The following PAK5 variants were observed in gnomAD, a reference collection of about 807,000 sequenced individuals.
PAK5 encodes the protein p21 (RAC1) activated kinase 5, also known as serine/threonine-protein kinase PAK 5.
A neutral mutation model predicts 65.9 loss-of-function variants in PAK5; 16 were observed. The ratio of observed to expected loss-of-function variants is 0.24; its 90% CI spans 0.16 to 0.37. The LOEUF (loss-of-function observed/expected upper bound fraction) is 0.37, where lower values mean the gene tolerates loss of function less well. PAK5 is among the 10% of genes least tolerant of loss of function. PAK5 has a pLI of 1.00. For missense variants in PAK5, 785 were observed against 903.9 expected (o/e 0.87, Z 1.69); for synonymous variants, 371 against 354.9 (o/e 1.05, Z -0.51).
At chr20:9,747,907 C>A (rs1794080349) in intron 1 of PAK5, among the ~76,000 whole-genome samples, 1 of 151,802 alleles carries the variant, frequency 6.6e-6, no homozygotes, top group South Asian at 2.1e-4. Context: ...TCCCTGTTTG[C>A]AGATGACATG....
intron 1 of PAK5, among the ~76,000 whole-genome samples, chr20:9,762,798 AAG>A (rs1329030198): frequency 6.6e-5 from 10 of 152,180 alleles, no homozygotes; most frequent in African/African-American, 1.9e-4. Flanking sequence ...CAGGATGTTG[AAG>A]AGACACTTGT....
chr20:9,701,871 G>A (rs973606613), intron 2 of PAK5, among the ~76,000 whole-genome samples: 2 of 151,878 alleles, frequency 1.3e-5, no homozygotes, highest in Admixed American at 6.6e-5. Context: ...GTGGTGGCCT[G>A]CACCTGTAGT....
chr20:9,606,797 G>A (rs1029486225), intron 3 of PAK5, among the ~76,000 whole-genome samples: 1 of 152,060 alleles, frequency 6.6e-6, no homozygotes, highest in Admixed American at 6.6e-5. Context: ...TTCATAACTT[G>A]TGCACTTAAA....
intron 1 of PAK5, among the ~76,000 whole-genome samples, chr20:9,730,408 A>C (rs2123551859): frequency 6.6e-6 from 1 of 152,284 alleles, no homozygotes; most frequent in African/African-American, 2.4e-5. Context: ...TTTTCAGATA[A>C]ATTTTTAAAA....
chr20:9,750,224 T>C (rs536500564), intron 1 of PAK5, among the ~76,000 whole-genome samples: 2 of 152,222 alleles, frequency 1.3e-5, no homozygotes, highest in African/African-American at 4.8e-5. Context: ...ACAAGCAGTA[T>C]GATCAGACTC....
chr20:9,590,462 G>T lies in PAK5; in HGVS notation c.205-9532C>A, dbSNP rs142276990. Among the ~76,000 whole-genome samples the T allele has an allele frequency of 6.6e-3, 1,010 of 152,142 alleles. 3 individuals are homozygous for T. Among genetic ancestry groups the T allele is most frequent in the Middle Eastern group, 0.014 (4 of 294 alleles). On this transcript the variant is annotated intron_variant, in intron 3 of 9. Coordinates refer to ENST00000353224, the MANE Select transcript of PAK5 (RefSeq NM_177990.4). The stretch of plus-strand genomic sequence containing the variant: ...TATGGCTGGATTTGTGCACCACAAT[G>T]GTAGGGTTGAGTTGCAAGAGAGACT...
intron 3 of PAK5, among the ~76,000 whole-genome samples, chr20:9,624,883 C>T (rs536279077): frequency 1.7e-4 from 26 of 152,248 alleles, no homozygotes; most frequent in Admixed American, 3.3e-4. Context: ...AAAGTGAGTT[C>T]GCATCTCACA....
At chr20:9,644,699 G>A (rs1212528962) in intron 2 of PAK5, among the ~76,000 whole-genome samples, 1 of 152,150 alleles carries the variant, frequency 6.6e-6, no homozygotes, top group Admixed American at 6.5e-5. Context: ...TTGTCACAAA[G>A]ATCTCTCTCT....
chr20:9,763,145 G>T (rs2048718997), intron 1 of PAK5, among the ~76,000 whole-genome samples: 4 of 151,970 alleles, frequency 2.6e-5, no homozygotes. Flanking sequence ...TGGTTAGAGG[G>T]TTCAAAGTTT....
chr20:9,639,542 A>G (rs534627177), intron 3 of PAK5, among the ~76,000 whole-genome samples: 144 of 152,288 alleles, frequency 9.5e-4, no homozygotes, highest in Non-Finnish European at 1.8e-3. Flanking sequence ...TTTTTCCCTC[A>G]GCGGCACAAT....
intron 1 of PAK5, among the ~76,000 whole-genome samples, chr20:9,734,334 G>C (rs2206486): frequency 0.67 from 101,459 of 151,884 alleles, 34,193 homozygotes; most frequent in South Asian, 0.84. Flanking sequence ...GGCCTCCATG[G>C]AAGAGTAAAA....
At chr20:9,799,398 A>G in intron 1 of PAK5, among the ~76,000 whole-genome samples, 1 of 152,142 alleles carries the variant, frequency 6.6e-6, no homozygotes, top group East Asian at 1.9e-4. Flanking sequence ...GTACATGAAA[A>G]GGATAGAGCT....
chr20:9,810,602 T>G (rs1460574948), intron 1 of PAK5, among the ~76,000 whole-genome samples: 1 of 152,146 alleles, frequency 6.6e-6, no homozygotes, highest in Non-Finnish European at 1.5e-5. Context: ...TAGGCTTAAT[T>G]TAGACACAAC....
chr20:9,682,970 A>G (rs1215728818), intron 2 of PAK5, among the ~76,000 whole-genome samples: 1 of 152,230 alleles, frequency 6.6e-6, no homozygotes, highest in Non-Finnish European at 1.5e-5. Flanking sequence ...CATTCCAGAC[A>G]TTAGGGTGCT....
intron 1 of PAK5, chr20:9,784,514 T>C (rs980023504): frequency 1.3e-5 from 2 of 152,142 alleles, no homozygotes; most frequent in Non-Finnish European, 1.5e-5. Context: ...AACCTGAAGA[T>C]AAAAGCAGAG....
At chr20:9,678,524 A>G (rs2423414) in intron 2 of PAK5, among the ~76,000 whole-genome samples, 64,419 of 151,998 alleles carry the variant, frequency 0.42, 14,106 homozygotes, top group East Asian at 0.72. Flanking sequence ...CTGAGATTGC[A>G]CCACTGCACT....
chr20:9,706,813 A>AT (rs1272461957), intron 2 of PAK5, among the ~76,000 whole-genome samples: 1 of 151,656 alleles, frequency 6.6e-6, no homozygotes, highest in Non-Finnish European at 1.5e-5. Context: ...CAACCTACAA[A>AT]TTTTTTTCTA....
intron 2 of PAK5, among the ~76,000 whole-genome samples, chr20:9,688,533 C>T (rs1034548273): frequency 2.0e-5 from 3 of 152,098 alleles, no homozygotes; most frequent in South Asian, 4.1e-4. Context: ...CTTGGGGCTT[C>T]TTTCCTGCTG....
Position 9,708,617 on chromosome 20 carries a change from C to T in PAK5, c.-12+2669G>A, listed in dbSNP as rs117844650. On this transcript the variant is annotated intron_variant, in intron 2 of 9. Transcript: ENST00000353224. Reference sequence around the variant, plus strand: ...CTCATTGGCAGTTATCATCATTGTGCAAGTTGACCTGATGGTGGCTTTCAA... The same window carrying T: ...CTCATTGGCAGTTATCATCATTGTGTAAGTTGACCTGATGGTGGCTTTCAA... 3.0e-4 allele frequency among the ~76,000 whole-genome samples: 46 copies of T among 152,136 alleles called. 1 individual carries two copies. The East Asian group carries it at 7.7e-3, about 26-fold the overall frequency.
Sources: gnomAD v4.1 joint callset for allele counts (sites outside exome capture counted in the v4.1 genomes callset) on GRCh38, gnomAD v4.1.1 for gene constraint, MANE v1.5 for transcripts, NCBI Gene and HGNC (gene_info 2026-07-23, HGNC 2026-07-21) for gene names.